Variants in SULF1 observed in about 807,000 individuals in gnomAD.
SULF1 encodes sulfatase 1.
Under a neutral mutation model 110.5 loss-of-function variants are expected in SULF1, and 46 were observed. The observed-to-expected ratio is 0.42, with a 90% CI of 0.33 to 0.53. The LOEUF (loss-of-function observed/expected upper bound fraction) is 0.53, where lower values mean the gene tolerates loss of function less well. SULF1 is among the 20% of genes least tolerant of loss of function. The pLI, the probability that SULF1 is intolerant of heterozygous loss-of-function variation, is 0.12. For missense variants in SULF1, 941 were observed against 1,094.2 expected (o/e 0.86, Z 1.98); for synonymous variants, 371 against 387.1 (o/e 0.96, Z 0.49).
At chr8:69,588,897 A>C in intron 7 of SULF1, 75 bp from the exon 8 acceptor site, 1 of 1,440,234 alleles carries the variant, frequency 6.9e-7, no homozygotes, top group Admixed American at 1.8e-5. Flanking sequence ...GCTTCTGAGG[A>C]AAGCAGTTAT....
rs533893555 is a variant in SULF1, at chr8:69,600,460, C to G, written c.735-143C>G. On this transcript the variant is annotated intron_variant, in intron 8 of 22. Transcript: ENST00000402687. ...TGAAGACTTCATCTTCTTATAAATG[C>G]AAACAGAAGATAGTTGGAAGAGGAA... The G allele has an allele frequency of 9.7e-6, 7 of 722,898 alleles. No homozygotes were observed. In the Admixed American group the frequency reaches 1.8e-4, roughly 19 times the overall value. 44.8% of individuals were successfully genotyped at this position (722,898 alleles called of 1,614,324 possible).
intron 3 of SULF1, among the ~76,000 whole-genome samples, chr8:69,526,915 C>T (rs1464423878): frequency 1.3e-5 from 2 of 152,022 alleles, no homozygotes; most frequent in Non-Finnish European, 2.9e-5. Context: ...ACTTGAGTTT[C>T]ACTCGGGTTA....
At chr8:69,532,582 A>G (rs1382465215) in intron 3 of SULF1, among the ~76,000 whole-genome samples, 1 of 152,260 alleles carries the variant, frequency 6.6e-6, no homozygotes, top group East Asian at 1.9e-4. Context: ...GCATTGCAAG[A>G]TCTTTAAATT....
chr8:69,610,745 G>A (rs1430135781), intron 13 of SULF1, among the ~76,000 whole-genome samples: 2 of 152,190 alleles, frequency 1.3e-5, no homozygotes, highest in African/African-American at 4.8e-5. Flanking sequence ...GTATAATACA[G>A]CCCCATTCTG....
Position 69,576,208 on chromosome 8 carries a change from A to G in SULF1, c.411A>G (p.Thr137=). ...ATCTTAACAACACTGGCTACAGAAC[A>G]GGTAAGGGATGACGTTTCTAGCCCA... ...AVYLNNTGYR[T]AFFGKYLNEY... Residue 137 remains threonine (T), a splice_region_variant and synonymous_variant, in exon 6 of 23, where the codon ACA becomes ACG. Transcript: ENST00000402687. 1 of 1,613,434 alleles carries G rather than the reference A, an allele frequency of 6.2e-7. No homozygotes were observed. Among genetic ancestry groups the G allele is most frequent in the South Asian group, 1.1e-5 (1 of 91,024 alleles).
At chr8:69,525,255 T>C (rs757723384) in intron 3 of SULF1, among the ~76,000 whole-genome samples, 2 of 151,526 alleles carry the variant, frequency 1.3e-5, no homozygotes, top group Non-Finnish European at 2.9e-5. Flanking sequence ...TGCACCAATC[T>C]GAGCTCACAG....
In SULF1 at chr8:69,659,166, A is replaced by C. The variant is rs1454466715; in HGVS notation, c.*631A>C. 2 of 456,764 alleles carry C rather than the reference A, an allele frequency of 4.4e-6. No homozygotes were observed. Among genetic ancestry groups the C allele is most frequent in the Non-Finnish European group, 8.8e-6 (2 of 227,000 alleles). The allele number at this position is 456,764 out of a possible 1,614,324, so 28.3% of individuals were successfully genotyped here. ...TATATCTTCCTGTGCATTCCGATGG[A>C]ATTTCAGTTCATCAGATGTTCACCA... On this transcript the variant is annotated 3_prime_UTR_variant, in exon 23 of 23. Coordinates refer to ENST00000402687, the MANE Select transcript of SULF1 (RefSeq NM_001128205.2).
At chr8:69,603,160 G>T in intron 10 of SULF1, 32 bp from the exon 11 acceptor site, 3 of 1,612,240 alleles carry the variant, frequency 1.9e-6, no homozygotes, top group Non-Finnish European at 2.5e-6. Context: ...CCTGGCATTG[G>T]ATCTCAGCCA....
At chr8:69,476,631 A>G (rs1809307585) in intron 1 of SULF1, among the ~76,000 whole-genome samples, 1 of 152,230 alleles carries the variant, frequency 6.6e-6, no homozygotes, top group Non-Finnish European at 1.5e-5. Flanking sequence ...TTTTTAATGA[A>G]GACTTTGGCC....
upstream of SULF1, among the ~76,000 whole-genome samples, chr8:69,488,568 G>A (rs888327194): frequency 2.2e-4 from 33 of 151,546 alleles, no homozygotes; most frequent in Non-Finnish European, 4.4e-4. Context: ...CCAACGGATG[G>A]GCTGTTTGGC....
chr8:69,498,549 G>A lies in SULF1; in HGVS notation c.-229+2623G>A, dbSNP rs56846671. 1.5e-3 allele frequency among the ~76,000 whole-genome samples: 232 copies of A among 152,262 alleles called. 3 individuals carry two copies. Among genetic ancestry groups the A allele is most frequent in the African/African-American group, 5.3e-3 (219 of 41,566 alleles). On this transcript the variant is annotated intron_variant, in intron 2 of 22. Coordinates refer to ENST00000402687, the MANE Select transcript of SULF1 (RefSeq NM_001128205.2). ...GATCCTGAAACCTGACCAGAGAGATGAGACCATCCTGCATGCAGGCCATAG... is the reference window on the plus strand; with the variant it reads ...GATCCTGAAACCTGACCAGAGAGATAAGACCATCCTGCATGCAGGCCATAG...
intron 8 of SULF1, chr8:69,597,535 A>C (rs1807439295): frequency 6.6e-6 from 1 of 152,230 alleles, no homozygotes; most frequent in African/African-American, 2.4e-5. Flanking sequence ...TATAAGCCAG[A>C]TTTAACGTAT....
intron 22 of SULF1, among the ~76,000 whole-genome samples, chr8:69,655,378 G>A (rs1409616759): frequency 6.6e-6 from 1 of 152,210 alleles, no homozygotes. Flanking sequence ...AGGTCCACTT[G>A]ATGGTGCCCG....
At chr8:69,499,142 A>AG (rs1563471144) in intron 2 of SULF1, among the ~76,000 whole-genome samples, 4 of 152,220 alleles carry the variant, frequency 2.6e-5, no homozygotes. Context: ...TACAGGCATG[A>AG]GCCACTGCAA....
chr8:69,507,762 C>CA (rs1427365368), intron 3 of SULF1, among the ~76,000 whole-genome samples: 1 of 152,140 alleles, frequency 6.6e-6, no homozygotes, highest in African/African-American at 2.4e-5. Context: ...CACTGGTCTT[C>CA]AGGTGTACGA....
intron 1 of SULF1, among the ~76,000 whole-genome samples, chr8:69,484,667 C>G (rs1205700638): frequency 1.3e-5 from 2 of 152,066 alleles, no homozygotes; most frequent in Non-Finnish European, 2.9e-5. Flanking sequence ...GTCTGCATGA[C>G]AAAAAGTGAT....
intron 6 of SULF1, among the ~76,000 whole-genome samples, chr8:69,580,561 C>G (rs1206223514): frequency 6.6e-6 from 1 of 152,140 alleles, no homozygotes; most frequent in Non-Finnish European, 1.5e-5. Flanking sequence ...CCTAAGTTTT[C>G]TTTCTTGTCC....
chr8:69,533,216 A>T (rs778155210), intron 3 of SULF1, among the ~76,000 whole-genome samples: 4 of 152,204 alleles, frequency 2.6e-5, no homozygotes, highest in Non-Finnish European at 4.4e-5. Context: ...TTGTTCCAAA[A>T]GCAAACAAGT....
chr8:69,572,984 T>C (rs1019620915), intron 5 of SULF1, among the ~76,000 whole-genome samples: 3 of 152,276 alleles, frequency 2.0e-5, no homozygotes, highest in South Asian at 2.1e-4. Flanking sequence ...CATGCCATCA[T>C]GCTGGCTAAG....
Sources: gnomAD v4.1 joint callset for allele counts (sites outside exome capture counted in the v4.1 genomes callset) on GRCh38, gnomAD v4.1.1 for gene constraint, MANE v1.5 for transcripts, NCBI Gene and HGNC (gene_info 2026-07-23, HGNC 2026-07-21) for gene names.